The following HACE1 variants were observed in gnomAD, a reference collection of about 807,000 sequenced individuals.
HACE1 encodes the protein HECT domain and ankyrin repeat containing E3 ubiquitin protein ligase 1.
Under a neutral mutation model 118.4 loss-of-function variants are expected in HACE1, and 73 were observed. That is an observed-to-expected ratio of 0.62 (90% CI 0.51 to 0.75). HACE1 has a LOEUF of 0.75. Among genes scored for constraint, HACE1 ranks in the 30% least tolerant of loss-of-function variants. The pLI, the probability that HACE1 is intolerant of heterozygous loss-of-function variation, is 0.00. For synonymous variants in HACE1, 368 were observed against 374.8 expected, an observed-to-expected ratio of 0.98 and a Z score of 0.21; for missense variants, 749 against 1,102.2, an observed-to-expected ratio of 0.68 and a Z score of 4.54.
intron 7 of HACE1, among the ~76,000 whole-genome samples, chr6:104,797,461 C>T (rs558609268): frequency 4.0e-4 from 58 of 145,344 alleles, no homozygotes; most frequent in African/African-American, 1.4e-3. Flanking sequence ...AACAAAAGTA[C>T]ATTTTATGGC....
At chr6:104,852,789 T>C (rs1257728848) in intron 1 of HACE1, among the ~76,000 whole-genome samples, 5 of 152,212 alleles carry the variant, frequency 3.3e-5, no homozygotes, top group African/African-American at 1.2e-4. Context: ...TTATCATACT[T>C]ACATGTAGTT....
chr6:104,782,854 C>T (rs7769270), intron 14 of HACE1, among the ~76,000 whole-genome samples: 1 of 151,980 alleles, frequency 6.6e-6, no homozygotes, highest in African/African-American at 2.4e-5. Flanking sequence ...ACCACTTATC[C>T]TATTTATTAT....
chr6:104,737,481 C>G (rs576947195), intron 22 of HACE1, among the ~76,000 whole-genome samples: 1 of 151,992 alleles, frequency 6.6e-6, no homozygotes, highest in Non-Finnish European at 1.5e-5. Context: ...GCACCGTGCG[C>G]GAGCCGAAGC....
Position 104,795,564 on chromosome 6 carries a change from T to C in HACE1, c.923+15A>G, listed in dbSNP as rs371955460. On this transcript the variant is annotated intron_variant, in intron 10 of 23. Coordinates refer to ENST00000262903, the MANE Select transcript of HACE1 (RefSeq NM_020771.4). Reference sequence around the variant, plus strand: ...ACTGCTACCTATTGATTTCCTCTTATTGCGAAACACTTACCTAAGCAGTTT... The same window carrying C: ...ACTGCTACCTATTGATTTCCTCTTACTGCGAAACACTTACCTAAGCAGTTT... 3.4e-6 allele frequency: 5 copies of C among 1,458,026 alleles called. No homozygotes were observed. The highest frequency in any genetic ancestry group is 3.9e-6 in the Non-Finnish European group (4 of 1,037,648). The allele number at this position is 1,458,026 out of a possible 1,614,324, so 90.3% of individuals were successfully genotyped here.
intron 6 of HACE1, among the ~76,000 whole-genome samples, chr6:104,822,384 GAAA>G (rs751726472): frequency 1.1e-5 from 1 of 91,516 alleles, no homozygotes; most frequent in Non-Finnish European, 2.2e-5. Context: ...CTCCATCTCA[GAAA>G]AAAAAAAAAA....
At chr6:104,845,061 T>C (rs1374484721) in intron 4 of HACE1, among the ~76,000 whole-genome samples, 1 of 152,148 alleles carries the variant, frequency 6.6e-6, no homozygotes, top group African/African-American at 2.4e-5. Context: ...TAAATACATA[T>C]GTATTGTATA....
intron 12 of HACE1, 100 bp from the exon 13 acceptor site, chr6:104,784,585 C>CAAA (rs71763197): frequency 9.4e-6 from 6 of 640,382 alleles, no homozygotes; most frequent in African/African-American, 1.9e-5. Context: ...GCTTCTAAAC[C>CAAA]AAAAAAAAAA....
Position 104,766,176 on chromosome 6 carries a change from C to T in HACE1, c.2211+5017G>A, listed in dbSNP as rs976590278. On this transcript the variant is annotated intron_variant, in intron 19 of 23. Coordinates refer to ENST00000262903, the MANE Select transcript of HACE1 (RefSeq NM_020771.4). Reference sequence around the variant, plus strand: ...CGTGGGGCACAGTGGGGAACCTGCTCTTGGCATATGCGTCCTGCACATGTC... The same window carrying T: ...CGTGGGGCACAGTGGGGAACCTGCTTTTGGCATATGCGTCCTGCACATGTC... 1.3e-4 allele frequency among the ~76,000 whole-genome samples: 20 copies of T among 152,318 alleles called. No homozygotes were observed. The East Asian group carries it at 3.9e-3, about 29-fold the overall frequency.
At chr6:104,796,890 A>G in intron 8 of HACE1, 39 bp downstream of exon 8, 1 of 1,232,324 alleles carries the variant, frequency 8.1e-7, no homozygotes, top group South Asian at 1.2e-5. Flanking sequence ...AGTTTCTATT[A>G]TAAAGATAAG....
chr6:104,834,334 T>C (rs1164960153), intron 5 of HACE1, among the ~76,000 whole-genome samples: 4 of 152,142 alleles, frequency 2.6e-5, no homozygotes, highest in Admixed American at 1.3e-4. Context: ...GTAATTAACA[T>C]AGCAATGCTA....
chr6:104,772,502 CAGTA>C (rs1449576703), intron 17 of HACE1, among the ~76,000 whole-genome samples: 4 of 152,178 alleles, frequency 2.6e-5, no homozygotes. Flanking sequence ...TGTGCCAGTG[CAGTA>C]AGTATTTGCT....
At chr6:104,740,893 T>C (rs992220389) in intron 22 of HACE1, among the ~76,000 whole-genome samples, 2 of 120,878 alleles carry the variant, frequency 1.7e-5, no homozygotes, top group Non-Finnish European at 3.3e-5. Flanking sequence ...TTGATGAACA[T>C]TGATGCAAAA....
chr6:104,809,942 T>C (rs1771423011), intron 7 of HACE1, among the ~76,000 whole-genome samples: 1 of 152,050 alleles, frequency 6.6e-6, no homozygotes, highest in South Asian at 2.1e-4. Context: ...AAGGTTTCTA[T>C]TGATTAAGAT....
chr6:104,757,519 C>G (rs1778858830), intron 19 of HACE1, among the ~76,000 whole-genome samples: 1 of 152,100 alleles, frequency 6.6e-6, no homozygotes, highest in Admixed American at 6.6e-5. Context: ...AAAGGACATC[C>G]ACACCAAAAC....
chr6:104,820,536 CAG>C (rs1772606256), intron 6 of HACE1, among the ~76,000 whole-genome samples: 1 of 152,114 alleles, frequency 6.6e-6, no homozygotes, highest in Non-Finnish European at 1.5e-5. Flanking sequence ...AGGACATGAA[CAG>C]ACACTTCTCA....
intron 6 of HACE1, among the ~76,000 whole-genome samples, chr6:104,814,458 A>C (rs1250213235): frequency 1.4e-5 from 2 of 138,916 alleles, no homozygotes; most frequent in East Asian, 4.3e-4. Context: ...GATGGTTATA[A>C]ATAAAAAACA....
rs1276986561 is a variant in HACE1, at chr6:104,795,642, T to C, written c.860A>G (p.Gln287Arg). ...LEHLSQQSES[Q>R]YLKILTSLAE... ...AAGGCTTGTTAGAATCTTTAGGTAC[T>C]GGCTTTCACTTTGCTGAGACAAATG... Residue 287 changes from glutamine (Q) to arginine (R), a missense_variant, in exon 10 of 24, where the codon CAG becomes CGG. By Grantham distance (43) the Gln-to-Arg change is conservative. This residue lies in a region of HACE1 where 267 missense variants were observed against 312.2 expected (regional missense o/e 0.86). Coordinates refer to ENST00000262903, the MANE Select transcript of HACE1 (RefSeq NM_020771.4). 2 of 1,613,430 alleles carry C rather than the reference T, an allele frequency of 1.2e-6. No individual in the cohort carries two copies.
chr6:104,801,065 T>C (rs1244436798), intron 7 of HACE1, among the ~76,000 whole-genome samples: 1 of 152,086 alleles, frequency 6.6e-6, no homozygotes, highest in East Asian at 1.9e-4. Context: ...AACTTCATAA[T>C]GCATGCACAA....
At chr6:104,821,671 A>G (rs1772730803) in intron 6 of HACE1, among the ~76,000 whole-genome samples, 1 of 152,162 alleles carries the variant, frequency 6.6e-6, no homozygotes, top group Non-Finnish European at 1.5e-5. Flanking sequence ...TGTAATTTGT[A>G]CCCCAACACA....
Sources: gnomAD v4.1 joint callset for allele counts (sites outside exome capture counted in the v4.1 genomes callset) on GRCh38, gnomAD v4.1.1 for gene constraint, gnomAD v4.1.1 regional missense constraint, MANE v1.5 for transcripts, NCBI Gene and HGNC (gene_info 2026-07-23, HGNC 2026-07-21) for gene names.